Variants in CCDC102B observed in about 807,000 individuals in gnomAD.
The protein encoded by CCDC102B is coiled-coil domain containing 102B.
CCDC102B carries 75 observed loss-of-function variants against 57.4 expected under a neutral mutation model. The ratio of observed to expected loss-of-function variants is 1.31; its 90% CI spans 1.08 to 1.58. The LOEUF is 1.58. CCDC102B is among the 40% of genes most tolerant of loss of function. The pLI is 0.00. For missense variants in CCDC102B, 636 were observed against 582.6 expected (o/e 1.09, Z -0.94); for synonymous variants, 206 against 201.9 (o/e 1.02, Z -0.17).
intron 4 of CCDC102B, among the ~76,000 whole-genome samples, chr18:68,850,956 A>G (rs565327643): frequency 6.6e-6 from 1 of 152,186 alleles, no homozygotes; most frequent in South Asian, 2.1e-4. Context: ...TTTCAAAGCA[A>G]CACGTAATAT....
intron 2 of CCDC102B, among the ~76,000 whole-genome samples, chr18:68,838,020 C>T (rs1228870825): frequency 6.6e-6 from 1 of 152,176 alleles, no homozygotes; most frequent in East Asian, 1.9e-4. Flanking sequence ...TGGAACTTGA[C>T]TATTCATTGA....
At chr18:68,756,030 G>A (rs574234523) in intron 2 of CCDC102B, among the ~76,000 whole-genome samples, 152 of 151,420 alleles carry the variant, frequency 1.0e-3, no homozygotes, top group Middle Eastern at 9.7e-3. Flanking sequence ...AAATTTAGCC[G>A]AAGATTTAAA....
rs34140642 is a variant in CCDC102B, at chr18:68,856,881, ATATGT to A, written c.936+10462_936+10466del. On this transcript the variant is annotated intron_variant, in intron 4 of 7. Coordinates refer to ENST00000360242, the MANE Select transcript of CCDC102B (RefSeq NM_024781.3). ...TTATATGTGTTTTTTATATATACAC[ATATGT>A]TGTGTATATATGCATGAATGCACAC... Among the ~76,000 whole-genome samples, 1,451 of 149,928 alleles carry A rather than the reference ATATGT, an allele frequency of 9.7e-3. 27 individuals carry two copies. Among genetic ancestry groups the A allele is most frequent in the African/African-American group, 0.034 (1,372 of 40,722 alleles).
At chr18:68,809,558 G>A (rs1233601206) in intron 1 of CCDC102B, among the ~76,000 whole-genome samples, 2 of 148,852 alleles carry the variant, frequency 1.3e-5, no homozygotes, top group Non-Finnish European at 3.0e-5. Flanking sequence ...TGTAACAAAT[G>A]AATTTTTGAA....
intron 1 of CCDC102B, among the ~76,000 whole-genome samples, chr18:68,810,254 G>A (rs1202256389): frequency 6.6e-6 from 1 of 152,130 alleles, no homozygotes; most frequent in Admixed American, 6.5e-5. Flanking sequence ...TTTTCAGATA[G>A]ATTTTAGTCT....
At chr18:68,796,803 T>G (rs1011622319), upstream of CCDC102B, among the ~76,000 whole-genome samples, 1 of 145,756 alleles carries the variant, frequency 6.9e-6, no homozygotes, top group Non-Finnish European at 1.5e-5. Flanking sequence ...TTGAGGTGAG[T>G]TAGAAAAATT....
At chr18:68,981,389 G>A (rs886785527) in intron 6 of CCDC102B, among the ~76,000 whole-genome samples, 1 of 151,986 alleles carries the variant, frequency 6.6e-6, no homozygotes, top group Non-Finnish European at 1.5e-5. Context: ...GAGACATGAG[G>A]CATAAGGGAC....
At chr18:68,894,686 T>G (rs1271180397) in intron 5 of CCDC102B, among the ~76,000 whole-genome samples, 1 of 151,850 alleles carries the variant, frequency 6.6e-6, no homozygotes. Flanking sequence ...CTTCTTATAA[T>G]TTTATAAGAC....
intron 4 of CCDC102B, among the ~76,000 whole-genome samples, chr18:68,873,937 C>A (rs1046568685): frequency 1.3e-5 from 2 of 151,616 alleles, no homozygotes; most frequent in Admixed American, 1.3e-4. Context: ...TATGTCAATA[C>A]AACAAAAACA....
At chr18:68,729,900 A>T (rs537971380) in intron 2 of CCDC102B, among the ~76,000 whole-genome samples, 1 of 152,252 alleles carries the variant, frequency 6.6e-6, no homozygotes, top group East Asian at 1.9e-4. Context: ...AAAACATAAG[A>T]AAAATACAAA....
At chr18:68,977,071 T>C (rs541505386) in intron 6 of CCDC102B, among the ~76,000 whole-genome samples, 1 of 152,154 alleles carries the variant, frequency 6.6e-6, no homozygotes, top group East Asian at 1.9e-4. Context: ...TTTTACACAA[T>C]TTTTTGCTAA....
At chr18:68,890,964 T>A (rs1447010372) in intron 5 of CCDC102B, among the ~76,000 whole-genome samples, 1 of 152,180 alleles carries the variant, frequency 6.6e-6, no homozygotes, top group Non-Finnish European at 1.5e-5. Flanking sequence ...GGGACTTATT[T>A]CTTTAGGAAT....
intron 1 of CCDC102B, among the ~76,000 whole-genome samples, chr18:68,822,478 G>A (rs1432408280): frequency 1.3e-5 from 2 of 151,468 alleles, no homozygotes; most frequent in African/African-American, 2.4e-5. Context: ...TTTGAAATTG[G>A]GCATTTAAAA....
chr18:68,811,540 G>A (rs1406535489), intron 1 of CCDC102B, among the ~76,000 whole-genome samples: 1 of 152,252 alleles, frequency 6.6e-6, no homozygotes, highest in East Asian at 1.9e-4. Context: ...ACTTGAACCT[G>A]GGAGGCAGAG....
In CCDC102B at chr18:68,836,980, C is replaced by A. The variant is rs755595061; in HGVS notation, c.217C>A (p.Leu73Ile). The change falls in exon 2 of 8, where the codon CTT becomes ATT. Residue 73 changes from leucine to isoleucine, a missense_variant. Physicochemically the swap from Leu to Ile is conservative, Grantham distance 5 (BLOSUM62 2). Transcript: ENST00000360242. ...NTNKWDICEE[L>I]RLRELEEVKA... ...CAACAAATGGGATATTTGTGAAGAA[C>A]TTCGCCTGCGGGAGCTTGAAGAAGT... 3 of 1,614,168 alleles carry A rather than the reference C, an allele frequency of 1.9e-6. No individual in the cohort carries two copies. In the Admixed American group the frequency reaches 5.0e-5, roughly 27 times the overall value.
At chr18:68,802,303 G>T (rs1221911153) in intron 1 of CCDC102B, among the ~76,000 whole-genome samples, 1 of 152,062 alleles carries the variant, frequency 6.6e-6, no homozygotes, top group Non-Finnish European at 1.5e-5. Context: ...TTTTGATACT[G>T]CCCAGGCTTC....
At chr18:68,964,565 C>G (rs1207952533) in intron 6 of CCDC102B, among the ~76,000 whole-genome samples, 1 of 151,792 alleles carries the variant, frequency 6.6e-6, no homozygotes. Flanking sequence ...ATTAATATAG[C>G]TAACTCAAGT....
intron 2 of CCDC102B, among the ~76,000 whole-genome samples, chr18:68,761,570 T>G (rs779873585): frequency 1.3e-5 from 2 of 151,574 alleles, no homozygotes; most frequent in Non-Finnish European, 3.0e-5. Flanking sequence ...TTAGAAATTT[T>G]GTACCTTCCT....
chr18:69,035,985 C>T (rs2052280794), intron 7 of CCDC102B, among the ~76,000 whole-genome samples: 1 of 152,030 alleles, frequency 6.6e-6, no homozygotes. Flanking sequence ...GCAGATTGGC[C>T]AAAAACACTT....
Sources: allele counts gnomAD v4.1 joint callset (sites outside exome capture counted in the v4.1 genomes callset), GRCh38; gene constraint gnomAD v4.1.1; transcripts MANE v1.5; gene names NCBI Gene and HGNC (gene_info 2026-07-23, HGNC 2026-07-21).